Variants in URB1 observed in about 807,000 individuals in gnomAD.
URB1 encodes the protein nucleolar pre-ribosomal-associated protein 1.
A neutral mutation model predicts 242.3 loss-of-function variants in URB1; 197 were observed. The ratio of observed to expected loss-of-function variants is 0.81; its 90% confidence interval spans 0.72 to 0.91. URB1 has a LOEUF of 0.91. Among genes scored for constraint, URB1 ranks in the 40% least tolerant of loss-of-function variants. URB1 has a pLI of 0.00. For synonymous variants in URB1, 1,153 were observed against 1,201.8 expected (o/e 0.96, Z 0.84); for missense variants, 2,721 against 2,860.5 (o/e 0.95, Z 1.11).
At chr21:32,340,204 G>A (rs1293621247) in intron 25 of URB1, among the ~76,000 whole-genome samples, 1 of 152,186 alleles carries the variant, frequency 6.6e-6, no homozygotes, top group East Asian at 1.9e-4. Context: ...GATGGTCAGG[G>A]AAATGAAAAT....
intron 30 of URB1, among the ~76,000 whole-genome samples, 199 bp from the exon 31 acceptor site, chr21:32,325,588 C>A (rs924509392): frequency 3.3e-5 from 5 of 152,160 alleles, no homozygotes; most frequent in Non-Finnish European, 7.3e-5. Context: ...GCAATAATGA[C>A]CATACCTTCA....
At chr21:32,335,927 G>A (rs1311438436) in intron 28 of URB1, among the ~76,000 whole-genome samples, 2 of 152,232 alleles carry the variant, frequency 1.3e-5, no homozygotes, top group Non-Finnish European at 2.9e-5. Context: ...AGCCAGCCCT[G>A]TCCTGTGACT....
At chr21:32,322,427 C>T in intron 33 of URB1, 51 bp downstream of exon 33, 1 of 1,427,144 alleles carries the variant, frequency 7.0e-7, no homozygotes, top group Non-Finnish European at 9.7e-7. Flanking sequence ...ACGGTGGCTG[C>T]ATCATCAATT....
chr21:32,375,377 C>G (rs374524679), intron 6 of URB1, 21 bp downstream of exon 6: 17 of 1,436,710 alleles, frequency 1.2e-5, no homozygotes, highest in Non-Finnish European at 1.5e-5. Flanking sequence ...ACAACAGAAA[C>G]GCGGATCACC....
At chr21:32,333,134 TACTA>T (rs2032915673) in intron 30 of URB1, 179 bp downstream of exon 30, 6 of 604,816 alleles carry the variant, frequency 9.9e-6, no homozygotes, top group African/African-American at 1.9e-5. Flanking sequence ...ATGTTCAAAA[TACTA>T]ACTGTGACTT....
chr21:32,364,959 C>T (rs1185310073), intron 10 of URB1, among the ~76,000 whole-genome samples: 1 of 152,228 alleles, frequency 6.6e-6, no homozygotes, highest in Non-Finnish European at 1.5e-5. Flanking sequence ...ATGGCAATAG[C>T]CAACAGCGGG....
chr21:32,385,453 T>C, intron 2 of URB1, 92 bp downstream of exon 2: 17 of 1,456,914 alleles, frequency 1.2e-5, no homozygotes, highest in Non-Finnish European at 1.5e-5. Flanking sequence ...AGAAAGTTGG[T>C]AATGGAAATT....
intron 10 of URB1, 66 bp downstream of exon 10, chr21:32,366,552 C>T (rs10222082): frequency 0.11 from 166,167 of 1,538,040 alleles, 10,641 homozygotes; most frequent in African/African-American, 0.29. Context: ...TCAGAATAAT[C>T]ACATCATGTA....
At position 32,368,605 on chromosome 21, in the gene URB1, G is replaced by A; in HGVS notation, c.1002-7C>T. The A allele has an allele frequency of 6.5e-7, 1 of 1,547,950 alleles. No individual in the cohort carries two copies. The highest frequency in any genetic ancestry group is 8.7e-7 in the Non-Finnish European group (1 of 1,145,556). ...GAGTGTCAGGTTTCCGCCTCTGTTAGAGAAAGACACATGGGGAGAGGTCAG... is the reference window on the plus strand; with the variant it reads ...GAGTGTCAGGTTTCCGCCTCTGTTAAAGAAAGACACATGGGGAGAGGTCAG... On this transcript the variant is annotated splice_polypyrimidine_tract_variant and splice_region_variant and intron_variant, in intron 8 of 38. Transcript: ENST00000382751.
chr21:32,390,682 A>C (rs2033627990), intron 1 of URB1, among the ~76,000 whole-genome samples: 2 of 152,158 alleles, frequency 1.3e-5, no homozygotes, highest in South Asian at 4.1e-4. Flanking sequence ...ATCTCACACC[A>C]ATTAGAATGG....
At chr21:32,364,973 G>C (rs1886843719) in intron 10 of URB1, among the ~76,000 whole-genome samples, 1 of 152,254 alleles carries the variant, frequency 6.6e-6, no homozygotes. Context: ...CAGCGGGAGA[G>C]GAGGCTGTGT....
chr21:32,381,662 G>A (rs2033528466), intron 4 of URB1, among the ~76,000 whole-genome samples: 1 of 152,366 alleles, frequency 6.6e-6, no homozygotes, highest in Admixed American at 6.5e-5. Flanking sequence ...ATAGATGATA[G>A]TGAGAAATTA....
intron 1 of URB1, among the ~76,000 whole-genome samples, chr21:32,389,048 G>C (rs1180688352): frequency 6.6e-6 from 1 of 152,196 alleles, no homozygotes; most frequent in Admixed American, 6.5e-5. Context: ...AGCACCTGTA[G>C]TAAGTGCTAT....
intron 4 of URB1, among the ~76,000 whole-genome samples, chr21:32,381,046 T>C (rs1205503415): frequency 6.6e-6 from 1 of 152,250 alleles, no homozygotes; most frequent in African/African-American, 2.4e-5. Context: ...ATGGAGGAAC[T>C]GGGTAAGATC....
At chr21:32,357,258 A>C (rs1356884429) in intron 15 of URB1, among the ~76,000 whole-genome samples, 1 of 151,794 alleles carries the variant, frequency 6.6e-6, no homozygotes, top group African/African-American at 2.4e-5. Context: ...TGCCTAATAA[A>C]CACCAAGAAG....
At chr21:32,325,473 T>G in intron 30 of URB1, 84 bp from the exon 31 acceptor site, 7 of 1,463,582 alleles carry the variant, frequency 4.8e-6, no homozygotes, top group Non-Finnish European at 6.4e-6. Context: ...TTTCCTCTTG[T>G]GTCTTACCAA....
At chr21:32,373,833 A>G (rs2033431531) in intron 6 of URB1, 61 bp from the exon 7 acceptor site, 19 of 1,396,634 alleles carry the variant, frequency 1.4e-5, no homozygotes, top group Non-Finnish European at 1.8e-5. Context: ...ATGGAATTCA[A>G]TTATTTTTTA....
At chr21:32,334,880 T>C (rs1424331343) in intron 28 of URB1, among the ~76,000 whole-genome samples, 1 of 152,148 alleles carries the variant, frequency 6.6e-6, no homozygotes, top group Non-Finnish European at 1.5e-5. Flanking sequence ...CCACCATGTG[T>C]GTGCTATGGA....
At chr21:32,372,678 C>T (rs925801620) in intron 7 of URB1, 47 bp from the exon 8 acceptor site, 21 of 1,522,100 alleles carry the variant, frequency 1.4e-5, no homozygotes, top group Middle Eastern at 1.7e-4. Context: ...AGCTCATACA[C>T]TTTAGTAAGA....
Sources: allele counts gnomAD v4.1 joint callset (sites outside exome capture counted in the v4.1 genomes callset), GRCh38; gene constraint gnomAD v4.1.1; transcripts MANE v1.5; gene names NCBI Gene and HGNC (gene_info 2026-07-23, HGNC 2026-07-21).